Variants in SETBP1 observed in about 807,000 individuals in gnomAD.
The protein encoded by SETBP1 is SET binding protein 1.
In SETBP1, 9 loss-of-function variants were observed where a neutral mutation model predicts 101.0. That is an observed-to-expected ratio of 0.09 (90% confidence interval 0.05 to 0.16). The LOEUF (loss-of-function observed/expected upper bound fraction) is 0.16. Ranked by LOEUF, SETBP1 falls within the 10% of genes least tolerant of loss-of-function variation. SETBP1 has a pLI of 1.00. For synonymous variants in SETBP1, 818 were observed against 788.5 expected (o/e 1.04, Z -0.63); for missense variants, 1,858 against 2,033.8 (o/e 0.91, Z 1.66).
rs563518591 is a variant in SETBP1, at chr18:44,974,288, G to T, written c.4000+20948G>T. Among the ~76,000 whole-genome samples, 35 of 152,270 alleles carry T rather than the reference G, an allele frequency of 2.3e-4. No individual in the cohort carries two copies. In the South Asian group the frequency reaches 7.3e-3, roughly 32 times the overall value. ...CCAGAAGAATAAAGAATATATCTCA[G>T]AGGGAAGAGGGAAGCAGGAAGACCA... On this transcript the variant is annotated intron_variant, in intron 4 of 5. Transcript: ENST00000649279.
chr18:44,973,441 T>C (rs7237116), intron 4 of SETBP1, among the ~76,000 whole-genome samples: 138,199 of 152,246 alleles, frequency 0.91, 62,894 homozygotes, highest in African/African-American at 0.97. Context: ...GAATCTAATA[T>C]ATGGAGACCC....
At chr18:44,809,528 C>T (rs2071815001) in intron 2 of SETBP1, among the ~76,000 whole-genome samples, 2 of 152,092 alleles carry the variant, frequency 1.3e-5, no homozygotes, top group African/African-American at 4.8e-5. Flanking sequence ...TATGGGGAAC[C>T]AGGCCATAAA....
intron 4 of SETBP1, among the ~76,000 whole-genome samples, chr18:45,007,945 C>T (rs948734580): frequency 6.6e-6 from 1 of 152,092 alleles, no homozygotes; most frequent in Non-Finnish European, 1.5e-5. Context: ...AGGAATGATC[C>T]AGTAATGCCT....
intron 2 of SETBP1, among the ~76,000 whole-genome samples, chr18:44,765,249 T>C (rs974036273): frequency 4.6e-5 from 7 of 151,862 alleles, no homozygotes; most frequent in African/African-American, 1.7e-4. Context: ...GATGTACCTT[T>C]CCCTCTGTAG....
chr18:44,939,787 A>G (rs1294405948), intron 3 of SETBP1, among the ~76,000 whole-genome samples: 5 of 152,156 alleles, frequency 3.3e-5, no homozygotes, highest in Admixed American at 6.5e-5. Flanking sequence ...GTTTTAATTG[A>G]CATTTCTTTG....
At chr18:44,807,685 A>G (rs2071777439) in intron 2 of SETBP1, among the ~76,000 whole-genome samples, 1 of 152,224 alleles carries the variant, frequency 6.6e-6, no homozygotes, top group Non-Finnish European at 1.5e-5. Context: ...TAAGGGAACT[A>G]GTAGGATCTT....
intron 4 of SETBP1, among the ~76,000 whole-genome samples, chr18:44,978,703 CT>C (rs1349087124): frequency 6.6e-6 from 1 of 152,152 alleles, no homozygotes; most frequent in Non-Finnish European, 1.5e-5. Context: ...CATAGTGAGT[CT>C]TTTATAGATG....
Position 44,701,231 on chromosome 18 carries a change from C to A in SETBP1, c.-116C>A. On this transcript the variant is annotated 5_prime_UTR_variant, in exon 2 of 6. Coordinates refer to ENST00000649279, the MANE Select transcript of SETBP1 (RefSeq NM_015559.3). ...CGTGTCTCCATCCCTGGGAATCTGA[C>A]CCTAGCAACTGGACCACTTTGTTCT... is the stretch of plus-strand genomic sequence containing the variant. 1.7e-6 allele frequency: 2 copies of A among 1,176,962 alleles called. No homozygotes were observed. Among genetic ancestry groups the A allele is most frequent in the Non-Finnish European group, 2.3e-6 (2 of 857,244 alleles). The allele number at this position is 1,176,962 out of a possible 1,614,324, so 72.9% of individuals were successfully genotyped here.
intron 2 of SETBP1, among the ~76,000 whole-genome samples, chr18:44,705,440 G>A (rs1478110919): frequency 3.3e-5 from 5 of 152,118 alleles, no homozygotes; most frequent in Admixed American, 6.5e-5. Context: ...TAGAGTTTCA[G>A]GATAATAAAG....
intron 2 of SETBP1, among the ~76,000 whole-genome samples, chr18:44,740,043 C>T (rs2070062033): frequency 6.6e-6 from 1 of 152,176 alleles, no homozygotes. Context: ...CACCTCACCT[C>T]CCAAATCCTG....
At chr18:45,047,949 C>T (rs2073645276) in intron 5 of SETBP1, among the ~76,000 whole-genome samples, 1 of 152,178 alleles carries the variant, frequency 6.6e-6, no homozygotes, top group Non-Finnish European at 1.5e-5. Flanking sequence ...AAGGAGTCTC[C>T]TCCTGCTGCT....
At chr18:44,832,629 C>T (rs2072400403) in intron 2 of SETBP1, among the ~76,000 whole-genome samples, 1 of 152,200 alleles carries the variant, frequency 6.6e-6, no homozygotes, top group Admixed American at 6.5e-5. Context: ...AAACTCGGTG[C>T]CCTTTGGGTC....
At chr18:44,707,505 C>G (rs2069247444) in intron 2 of SETBP1, among the ~76,000 whole-genome samples, 1 of 152,180 alleles carries the variant, frequency 6.6e-6, no homozygotes, top group Non-Finnish European at 1.5e-5. Flanking sequence ...CAACCTTATA[C>G]CCATCAGGTG....
At chr18:44,914,148 T>C (rs1429702244) in intron 3 of SETBP1, among the ~76,000 whole-genome samples, 1 of 152,244 alleles carries the variant, frequency 6.6e-6, no homozygotes, top group Non-Finnish European at 1.5e-5. Context: ...ACTCTTTGTG[T>C]GTGTTTTCCT....
At chr18:44,724,691 G>A (rs1309604067) in intron 2 of SETBP1, among the ~76,000 whole-genome samples, 1 of 152,156 alleles carries the variant, frequency 6.6e-6, no homozygotes, top group Admixed American at 6.5e-5. Context: ...AAGCCTAGAG[G>A]ATTTGAAGAG....
intron 2 of SETBP1, among the ~76,000 whole-genome samples, chr18:44,853,015 G>A (rs2144595352): frequency 6.6e-6 from 1 of 152,318 alleles, no homozygotes; most frequent in African/African-American, 2.4e-5. Flanking sequence ...CTGGGCTGGT[G>A]GATGCACTAA....
At chr18:44,799,283 T>A (rs1397791281) in intron 2 of SETBP1, among the ~76,000 whole-genome samples, 4 of 152,126 alleles carry the variant, frequency 2.6e-5, no homozygotes, top group Non-Finnish European at 5.9e-5. Context: ...TTGTTCTCTC[T>A]GCTTGGGATT....
intron 3 of SETBP1, among the ~76,000 whole-genome samples, chr18:44,937,955 T>G (rs764708901): frequency 2.6e-5 from 4 of 152,180 alleles, no homozygotes; most frequent in Non-Finnish European, 5.9e-5. Context: ...TAAAATGATC[T>G]CTCATGTTCT....
At chr18:44,996,547 T>A (rs753156734) in intron 4 of SETBP1, among the ~76,000 whole-genome samples, 1 of 152,254 alleles carries the variant, frequency 6.6e-6, no homozygotes, top group Non-Finnish European at 1.5e-5. Flanking sequence ...CCCATGAAGA[T>A]GAAACTGCTA....
Sources: allele counts gnomAD v4.1 joint callset (sites outside exome capture counted in the v4.1 genomes callset), GRCh38; gene constraint gnomAD v4.1.1; transcripts MANE v1.5; gene names NCBI Gene and HGNC (gene_info 2026-07-23, HGNC 2026-07-21).